The following GLG1 variants were observed in gnomAD, a reference collection of about 807,000 sequenced individuals.
The protein encoded by GLG1 is golgi glycoprotein 1.
GLG1 carries 38 observed loss-of-function variants against 160.5 expected under a neutral mutation model. The observed-to-expected ratio is 0.24, with a 90% CI of 0.18 to 0.31. The LOEUF (loss-of-function observed/expected upper bound fraction) is 0.31. Among genes scored for constraint, GLG1 ranks in the 10% least tolerant of loss-of-function variants. The pLI, the probability that GLG1 is intolerant of heterozygous loss-of-function variation, is 1.00. For synonymous variants in GLG1, 644 were observed against 543.4 expected (o/e 1.19, Z -2.57); for missense variants, 1,373 against 1,505.2 (o/e 0.91, Z 1.45).
At chr16:74,597,608 C>T (rs1346814355) in intron 1 of GLG1, among the ~76,000 whole-genome samples, 3 of 152,090 alleles carry the variant, frequency 2.0e-5, no homozygotes, top group African/African-American at 7.2e-5. Flanking sequence ...AATCCCAACA[C>T]TTTGGGAGGC....
intron 3 of GLG1, among the ~76,000 whole-genome samples, chr16:74,508,307 T>C (rs943376487): frequency 2.1e-5 from 3 of 139,960 alleles, no homozygotes; most frequent in Non-Finnish European, 3.1e-5. Flanking sequence ...GTTTCTATTA[T>C]TGATTCAAAA....
At chr16:74,496,173 C>G (rs542427632) in intron 5 of GLG1, among the ~76,000 whole-genome samples, 1 of 151,904 alleles carries the variant, frequency 6.6e-6, no homozygotes, top group African/African-American at 2.4e-5. Context: ...GAGGCTGAGG[C>G]AGAAGAATCG....
Position 74,542,758 on chromosome 16 carries a change from G to GAAGGAAGGAAGGAAAGA in GLG1, c.439-10606_439-10605insTCTTTCCTTCCTTCCTT, listed in dbSNP as rs1597329087. On this transcript the variant is annotated intron_variant, in intron 1 of 25. Transcript: ENST00000422840. Reference sequence around the variant, plus strand: ...GGGAGGAAGGAAGGAAGGAAGGAAGGAAGGAAGGAAGGAAGGAAGGAAGGA... The same window carrying GAAGGAAGGAAGGAAAGA: ...GGGAGGAAGGAAGGAAGGAAGGAAGGAAGGAAGGAAGGAAAGAAAGGAAGGAAGGAAGGAAGGAAGGA... 3.8e-4 allele frequency among the ~76,000 whole-genome samples: 20 copies of GAAGGAAGGAAGGAAAGA among 53,060 alleles called. 4 individuals are homozygous for GAAGGAAGGAAGGAAAGA. Among genetic ancestry groups the GAAGGAAGGAAGGAAAGA allele is most frequent in the Non-Finnish European group, 7.0e-4 (18 of 25,878 alleles). 34.8% of individuals were successfully genotyped at this position (53,060 alleles called of 152,430 possible). A position where few individuals can be genotyped will look rare whatever the true frequency, so the allele number is the denominator to read the frequency against.
chr16:74,456,808 A>T, intron 24 of GLG1, 53 bp from the exon 25 acceptor site: 2 of 1,101,420 alleles, frequency 1.8e-6, no homozygotes, highest in South Asian at 2.5e-5. Flanking sequence ...AGAATAGAGA[A>T]ATTTCTGTAA....
intron 19 of GLG1, chr16:74,463,747 G>C (rs1461911363): frequency 4.7e-6 from 2 of 424,492 alleles, no homozygotes; most frequent in African/African-American, 4.1e-5. Flanking sequence ...TGTTGTTGTT[G>C]TTGTTTTAGC....
chr16:74,600,731 C>CAAAAAAAAAAAA (rs56122377), intron 1 of GLG1, among the ~76,000 whole-genome samples: 13 of 112,600 alleles, frequency 1.2e-4, no homozygotes, highest in Non-Finnish European at 1.6e-4. Flanking sequence ...GATTCCACCT[C>CAAAAAAAAAAAA]AAAAAAAAAA....
At chr16:74,478,660 C>T (rs2015479071) in intron 11 of GLG1, among the ~76,000 whole-genome samples, 1 of 152,038 alleles carries the variant, frequency 6.6e-6, no homozygotes, top group South Asian at 2.1e-4. Context: ...ACCTGTAATC[C>T]CAGCTCTTTG....
chr16:74,480,129 C>T (rs2015544967), intron 11 of GLG1, 112 bp downstream of exon 11: 1 of 863,502 alleles, frequency 1.2e-6, no homozygotes, highest in Non-Finnish European at 1.9e-6. Flanking sequence ...CTTCTCCCCA[C>T]AAAATAGTCT....
chr16:74,478,911 G>T (rs1016790678), intron 11 of GLG1, among the ~76,000 whole-genome samples: 1 of 140,916 alleles, frequency 7.1e-6, no homozygotes, highest in Non-Finnish European at 1.5e-5. Flanking sequence ...AAAAAAAAGG[G>T]GGGGGTTATT....
At chr16:74,476,117 G>A (rs2015382872) in intron 12 of GLG1, among the ~76,000 whole-genome samples, 2 of 152,042 alleles carry the variant, frequency 1.3e-5, no homozygotes, top group African/African-American at 4.8e-5. Context: ...GGGAGGCAGA[G>A]GTTGCAGTGA....
At chr16:74,488,577 C>T (rs1409062977) in intron 8 of GLG1, among the ~76,000 whole-genome samples, 1 of 152,028 alleles carries the variant, frequency 6.6e-6, no homozygotes, top group East Asian at 1.9e-4. Context: ...TAAAGCGCTT[C>T]TTCCCTACTT....
Position 74,463,114 on chromosome 16 carries a change from C to A in GLG1, c.2791+242G>T, listed in dbSNP as rs570632552. On this transcript the variant is annotated intron_variant, in intron 20 of 25. Coordinates refer to ENST00000422840, the MANE Select transcript of GLG1 (RefSeq NM_001145667.2). ...GATTTTTCTTTCCAAGGACTGCCGG[C>A]CTGATTCCTTCTGAACGTTCTTTTA... 3 of 529,410 alleles carry A rather than the reference C, an allele frequency of 5.7e-6. No individual in the cohort carries two copies. In the African/African-American group the frequency reaches 5.7e-5, roughly 10 times the overall value. The allele number at this position is 529,410 out of a possible 1,614,324, so 32.8% of individuals were successfully genotyped here.
At chr16:74,606,473 A>G (rs556853358) in intron 1 of GLG1, among the ~76,000 whole-genome samples, 184 bp downstream of exon 1, 3 of 152,262 alleles carry the variant, frequency 2.0e-5, no homozygotes, top group Non-Finnish European at 4.4e-5. Context: ...CGGGGGAAAG[A>G]AGGAGTGGGA....
chr16:74,475,157 CAAAAAAAA>C (rs58639513), intron 12 of GLG1, among the ~76,000 whole-genome samples: 1 of 52,866 alleles, frequency 1.9e-5, no homozygotes, highest in Non-Finnish European at 3.5e-5. Flanking sequence ...AACTCCGTCT[CAAAAAAAA>C]AAAAAAAAAA....
chr16:74,606,870 TTGC>T lies in GLG1; in HGVS notation c.222_224del (p.Gln84del), dbSNP rs1958584233. ...GCTGTTGCTGTTGCTGCTGCTGCTGTTGCTGCTGAAGCTGCGATGACTGAGGCA... is the reference window on the plus strand; with the variant it reads ...GCTGTTGCTGTTGCTGCTGCTGCTGTTGCTGAAGCTGCGATGACTGAGGCA... On this transcript the variant is annotated inframe_deletion, in exon 1 of 26. Coordinates refer to ENST00000422840, the MANE Select transcript of GLG1 (RefSeq NM_001145667.2). 1 of 1,600,308 alleles carries T rather than the reference TTGC, an allele frequency of 6.2e-7. No homozygotes were observed. The highest frequency in any genetic ancestry group is 8.5e-7 in the Non-Finnish European group (1 of 1,174,666).
intron 24 of GLG1, 67 bp from the exon 25 acceptor site, chr16:74,456,822 T>G (rs957135259): frequency 1.0e-6 from 1 of 972,360 alleles, no homozygotes; most frequent in African/African-American, 1.6e-5. Flanking sequence ...TCTGTAAAGA[T>G]GAGGAAGAGG....
intron 1 of GLG1, among the ~76,000 whole-genome samples, chr16:74,554,503 G>A (rs2018299495): frequency 6.6e-6 from 1 of 152,148 alleles, no homozygotes; most frequent in Non-Finnish European, 1.5e-5. Context: ...CTGCACTCCA[G>A]CCTGGGTGAC....
intron 1 of GLG1, among the ~76,000 whole-genome samples, chr16:74,581,534 T>TA (rs33982914): frequency 0.52 from 69,068 of 131,960 alleles, 18,704 homozygotes; most frequent in African/African-American, 0.68. Flanking sequence ...ATGTAAGATT[T>TA]AAAAAAAAAA....
intron 1 of GLG1, among the ~76,000 whole-genome samples, chr16:74,548,035 T>C (rs971714334): frequency 1.3e-5 from 2 of 152,230 alleles, no homozygotes; most frequent in African/African-American, 2.4e-5. Flanking sequence ...ATTCAAACGA[T>C]TCTCCTGCCT....
Sources: gnomAD v4.1 joint callset for allele counts (sites outside exome capture counted in the v4.1 genomes callset) on GRCh38, gnomAD v4.1.1 for gene constraint, MANE v1.5 for transcripts, NCBI Gene and HGNC (gene_info 2026-07-23, HGNC 2026-07-21) for gene names.